The following BICDL1 variants were observed in gnomAD, a reference collection of about 807,000 sequenced individuals.
The protein encoded by BICDL1 is BICD family-like cargo adapter 1.
Under a neutral mutation model 76.8 loss-of-function variants are expected in BICDL1, and 20 were observed. The observed-to-expected ratio is 0.26, with a 90% CI of 0.18 to 0.38. The LOEUF (loss-of-function observed/expected upper bound fraction) is 0.38. Ranked by LOEUF, BICDL1 falls within the 10% of genes least tolerant of loss-of-function variation. The pLI, the probability that BICDL1 is intolerant of heterozygous loss-of-function variation, is 1.00. For synonymous variants in BICDL1, 383 were observed against 337.1 expected, an observed-to-expected ratio of 1.14 and a Z score of -1.49; for missense variants, 700 against 798.6, an observed-to-expected ratio of 0.88 and a Z score of 1.49.
At chr12:120,003,368 A>G (rs2138631783) in intron 2 of BICDL1, among the ~76,000 whole-genome samples, 1 of 152,134 alleles carries the variant, frequency 6.6e-6, no homozygotes, top group East Asian at 1.9e-4. Context: ...GTGGGCATTC[A>G]ATAAAAGATG....
intron 9 of BICDL1, chr12:120,091,012 C>G: frequency 7.8e-7 from 1 of 1,289,066 alleles, no homozygotes. Flanking sequence ...ACCCCTCCTG[C>G]CTTTGAGGTG....
chr12:120,039,393 A>C (rs973060124), intron 2 of BICDL1, among the ~76,000 whole-genome samples: 1 of 151,564 alleles, frequency 6.6e-6, no homozygotes, highest in Non-Finnish European at 1.5e-5. Flanking sequence ...TAATCCCAGC[A>C]CTTTGGGAGG....
At chr12:120,088,707 C>T (rs1375474911) in intron 8 of BICDL1, among the ~76,000 whole-genome samples, 1 of 149,980 alleles carries the variant, frequency 6.7e-6, no homozygotes, top group Non-Finnish European at 1.5e-5. Context: ...TGTTCTGTCA[C>T]CCAGGCTGCA....
chr12:120,001,391 C>T (rs1039026618), intron 2 of BICDL1, among the ~76,000 whole-genome samples: 2 of 151,996 alleles, frequency 1.3e-5, no homozygotes, highest in Non-Finnish European at 2.9e-5. Context: ...GGACTACAGG[C>T]GCCTGCCACC....
At chr12:120,072,863 T>A (rs1463333540) in intron 6 of BICDL1, 134 bp downstream of exon 6, 2 of 778,912 alleles carry the variant, frequency 2.6e-6, no homozygotes, top group East Asian at 5.4e-5. Flanking sequence ...TCTGAGCCCT[T>A]ATTGGTTGTT....
intron 2 of BICDL1, among the ~76,000 whole-genome samples, chr12:120,055,211 C>T (rs1187934905): frequency 6.6e-6 from 1 of 152,134 alleles, no homozygotes; most frequent in Non-Finnish European, 1.5e-5. Context: ...TAGATCTTTC[C>T]TATGATAATT....
chr12:120,015,344 T>A (rs991430380), intron 2 of BICDL1, among the ~76,000 whole-genome samples: 3 of 152,190 alleles, frequency 2.0e-5, no homozygotes, highest in African/African-American at 7.2e-5. Context: ...GCCCTGTACC[T>A]TCTGGACCTA....
intron 2 of BICDL1, 27 bp downstream of exon 2, chr12:119,998,763 T>C: frequency 6.3e-7 from 1 of 1,595,198 alleles, no homozygotes; most frequent in South Asian, 1.1e-5. Context: ...GAATTTAAGA[T>C]GTAAAATACT....
At chr12:120,048,833 A>T (rs1198038281) in intron 2 of BICDL1, among the ~76,000 whole-genome samples, 1 of 151,616 alleles carries the variant, frequency 6.6e-6, no homozygotes, top group East Asian at 1.9e-4. Context: ...ATTTTTTTTT[A>T]ATTTGGGGTC....
chr12:120,004,884 C>T (rs560955684), intron 2 of BICDL1, among the ~76,000 whole-genome samples: 2 of 152,244 alleles, frequency 1.3e-5, no homozygotes, highest in Non-Finnish European at 2.9e-5. Context: ...TGCAATGGCA[C>T]GATCTCAGCT....
Position 119,998,522 on chromosome 12 carries a change from A to G in BICDL1, c.431A>G (p.His144Arg). Residue 144 changes from histidine (H) to arginine (R), a missense_variant and splice_region_variant, in exon 2 of 10, where the codon CAC becomes CGC. Coordinates refer to ENST00000548673, the MANE Select transcript of BICDL1 (RefSeq NM_001367886.1). ...MHKELTDKLE[H>R]LEQEKHELRR... ...TAAATCCCTTCACTTTTCACCCAGC[A>G]CTTAGAGCAAGAGAAACATGAATTG... The G allele has an allele frequency of 6.2e-7, 1 of 1,601,860 alleles. No individual in the cohort carries two copies. Among genetic ancestry groups the G allele is most frequent in the South Asian group, 1.1e-5 (1 of 89,778 alleles).
At chr12:120,066,295 CCTATCAAG>C (rs879572939) in intron 4 of BICDL1, among the ~76,000 whole-genome samples, 1 of 152,148 alleles carries the variant, frequency 6.6e-6, no homozygotes, top group Non-Finnish European at 1.5e-5. Flanking sequence ...CATTTATTAC[CCTATCAAG>C]CTGCTCTCCT....
intron 9 of BICDL1, chr12:120,090,975 T>A: frequency 7.8e-7 from 1 of 1,288,912 alleles, no homozygotes; most frequent in Non-Finnish European, 1.0e-6. Context: ...CCTTTCTCAG[T>A]TCCCGTATCA....
chr12:120,010,046 A>G (rs187894207), intron 2 of BICDL1, among the ~76,000 whole-genome samples: 170 of 152,370 alleles, frequency 1.1e-3, no homozygotes, highest in African/African-American at 3.7e-3. Context: ...CATTACCAAA[A>G]TAGTCATCAT....
chr12:120,090,472 C>T (rs946285869), intron 9 of BICDL1, among the ~76,000 whole-genome samples: 6 of 152,178 alleles, frequency 3.9e-5, no homozygotes, highest in Admixed American at 6.5e-5. Context: ...GCTACCCTTC[C>T]CCTTCTCAAG....
rs762639312 is a variant in BICDL1, at chr12:120,093,024, C to G, written c.1729C>G (p.Arg577Gly). 1 of 1,580,292 alleles carries G rather than the reference C, an allele frequency of 6.3e-7. No individual in the cohort carries two copies. Among genetic ancestry groups the G allele is most frequent in the African/African-American group, 1.4e-5 (1 of 74,036 alleles). Residue 577 changes from arginine to glycine, a missense_variant, in exon 10 of 10, where the codon CGG becomes GGG. By Grantham distance (125) the Arg-to-Gly change is moderately radical (BLOSUM62 -2). Transcript: ENST00000548673. Reference protein sequence around the residue: ...WQDDMHRVIDRQLMDTHLKER... With the variant: ...WQDDMHRVIDGQLMDTHLKER... ...GGATGACATGCACAGGGTCATTGAC[C>G]GGCAGCTGATGGACACGCACCTGAA...
intron 9 of BICDL1, chr12:120,092,388 T>G (rs1023555833): frequency 3.0e-5 from 30 of 985,484 alleles, no homozygotes; most frequent in Non-Finnish European, 3.6e-5. Flanking sequence ...CTGAAGACCG[T>G]GAGGCCCCTG....
At chr12:120,033,803 T>C (rs1272403538) in intron 2 of BICDL1, among the ~76,000 whole-genome samples, 2 of 152,298 alleles carry the variant, frequency 1.3e-5, no homozygotes, top group Middle Eastern at 3.4e-3. Flanking sequence ...ATAAGCTTGA[T>C]AGATTTAGGT....
intron 4 of BICDL1, among the ~76,000 whole-genome samples, chr12:120,068,048 A>G (rs1566256582): frequency 6.6e-6 from 1 of 152,150 alleles, no homozygotes; most frequent in Non-Finnish European, 1.5e-5. Flanking sequence ...TTAGCCAATC[A>G]TTTCGAAGTA....
Sources: gnomAD v4.1 joint callset for allele counts (sites outside exome capture counted in the v4.1 genomes callset) on GRCh38, gnomAD v4.1.1 for gene constraint, MANE v1.5 for transcripts, NCBI Gene and HGNC (gene_info 2026-07-23, HGNC 2026-07-21) for gene names.